Variants in KAZN observed in about 807,000 individuals in gnomAD.
KAZN encodes kazrin, periplakin interacting protein.
A neutral mutation model predicts 87.4 loss-of-function variants in KAZN; 40 were observed. That is an observed-to-expected ratio of 0.46 (90% CI 0.36 to 0.60). The LOEUF is 0.60. Among genes scored for constraint, KAZN ranks in the 20% least tolerant of loss-of-function variants. The probability of loss-of-function intolerance (pLI) is 0.00; values close to 1 mark genes in which losing one functional copy is unlikely to be tolerated. For missense variants in KAZN, 898 were observed against 1,073.9 expected, an observed-to-expected ratio of 0.84 and a Z score of 2.29; for synonymous variants, 466 against 458.3, an observed-to-expected ratio of 1.02 and a Z score of -0.22.
chr1:15,074,079 G>A (rs1409985838), intron 8 of KAZN, among the ~76,000 whole-genome samples: 1 of 152,222 alleles, frequency 6.6e-6, no homozygotes, highest in African/African-American at 2.4e-5. Flanking sequence ...CTCGCTGTGT[G>A]ACCACAGCCA....
chr1:14,724,205 A>AT (rs1385227744), intron 1 of KAZN, among the ~76,000 whole-genome samples: 4 of 152,102 alleles, frequency 2.6e-5, no homozygotes, highest in Non-Finnish European at 5.9e-5. Flanking sequence ...CCCCCAACCA[A>AT]TTTTTTGAAT....
rs1166148932 is a variant in KAZN at position 15,112,446 on chromosome 1, G to A, written c.2068G>A (p.Ala690Thr). Residue 690 changes from alanine (A) to threonine (T), a missense_variant, in exon 14 of 15, where the codon GCT (alanine) becomes ACT (threonine). Coordinates refer to ENST00000376030, the MANE Select transcript of KAZN (RefSeq NM_201628.3). ...CTTCAGCTCCACAGGCATCCGGGAG[G>A]CTGAGCGTTTTGGAACGCCCCCTGG... ...HPANSTGIRE[A>T]ERFGTPPGRA... 2 of 1,602,396 alleles carry A rather than the reference G, an allele frequency of 1.2e-6. No individual in the cohort carries two copies. Among genetic ancestry groups the A allele is most frequent in the African/African-American group, 2.7e-5 (2 of 74,722 alleles).
intron 1 of KAZN, among the ~76,000 whole-genome samples, chr1:14,161,534 A>T (rs982389854): frequency 6.6e-6 from 1 of 152,214 alleles, no homozygotes; most frequent in African/African-American, 2.4e-5. Context: ...CTTCAGAGTG[A>T]GTGATTGGAG....
intron 1 of KAZN, among the ~76,000 whole-genome samples, chr1:13,993,771 G>C (rs1051093016): frequency 2.6e-5 from 4 of 152,196 alleles, no homozygotes; most frequent in African/African-American, 7.2e-5. Flanking sequence ...GTGATGGAGA[G>C]TGACTGTGAG....
chr1:14,284,608 A>G (rs1464171670), intron 2 of KAZN, among the ~76,000 whole-genome samples: 2 of 152,196 alleles, frequency 1.3e-5, no homozygotes, highest in Non-Finnish European at 2.9e-5. Context: ...AACTGTTTGC[A>G]GGAAATGACT....
chr1:14,589,120 G>A (rs1041028348), intron 2 of KAZN, among the ~76,000 whole-genome samples: 1 of 152,078 alleles, frequency 6.6e-6, no homozygotes, highest in Non-Finnish European at 1.5e-5. Context: ...GAAAGACATC[G>A]GCAGCTGGCT....
intron 2 of KAZN, among the ~76,000 whole-genome samples, chr1:14,313,206 G>T (rs112959552): frequency 1.8e-4 from 28 of 151,958 alleles, no homozygotes; most frequent in Non-Finnish European, 3.5e-4. Flanking sequence ...TATACTTCAT[G>T]GTCCCCACAC....
chr1:14,244,598 G>A (rs1649317805), intron 2 of KAZN, among the ~76,000 whole-genome samples: 1 of 152,062 alleles, frequency 6.6e-6, no homozygotes, highest in South Asian at 2.1e-4. Context: ...TAAGTGCTTG[G>A]GGGAAATGAA....
At chr1:14,432,046 G>T (rs891926602) in intron 2 of KAZN, among the ~76,000 whole-genome samples, 1 of 152,036 alleles carries the variant, frequency 6.6e-6, no homozygotes, top group Non-Finnish European at 1.5e-5. Flanking sequence ...GAAGAGTAAG[G>T]ATCTCCCAGA....
intron 1 of KAZN, among the ~76,000 whole-genome samples, chr1:14,039,554 T>C (rs1641710952): frequency 6.6e-6 from 1 of 152,204 alleles, no homozygotes; most frequent in Non-Finnish European, 1.5e-5. Flanking sequence ...AAGGTCACGG[T>C]AGAGCTTGGC....
intron 2 of KAZN, among the ~76,000 whole-genome samples, chr1:14,579,078 A>C (rs2148558886): frequency 6.6e-6 from 1 of 152,270 alleles, no homozygotes; most frequent in African/African-American, 2.4e-5. Flanking sequence ...TCAGCACAGA[A>C]GAGAAACGTA....
At chr1:14,219,612 A>G (rs1026259760) in intron 2 of KAZN, among the ~76,000 whole-genome samples, 9 of 152,148 alleles carry the variant, frequency 5.9e-5, no homozygotes, top group African/African-American at 1.9e-4. Flanking sequence ...TTGGGTAGGC[A>G]TTGGAGGAGC....
Position 14,030,081 on chromosome 1 carries a change from A to G in KAZN, c.91+136325A>G, listed in dbSNP as rs1641252673. Among the ~76,000 whole-genome samples the G allele has an allele frequency of 2.0e-5, 3 of 151,714 alleles. No homozygotes were observed. In the South Asian group the frequency reaches 6.3e-4, roughly 32 times the overall value. ...TACCTTGGGCAGTATGGCCATTTTC[A>G]CGATATTGATTCTTCCTACCCATGA... On this transcript the variant is annotated intron_variant, in intron 1 of 16. Coordinates refer to the KAZN transcript ENST00000636203.
chr1:14,862,387 A>G (rs1235878145), intron 1 of KAZN, among the ~76,000 whole-genome samples: 1 of 152,106 alleles, frequency 6.6e-6, no homozygotes, highest in African/African-American at 2.4e-5. Flanking sequence ...GGGGTGCTAC[A>G]AGGCCAATAC....
At chr1:14,989,739 G>A (rs1667172060) in intron 2 of KAZN, among the ~76,000 whole-genome samples, 1 of 152,188 alleles carries the variant, frequency 6.6e-6, no homozygotes. Flanking sequence ...CGGGATGGTG[G>A]TGGGCTCCCA....
intron 1 of KAZN, among the ~76,000 whole-genome samples, chr1:14,920,824 C>A (rs1272565989): frequency 6.6e-6 from 1 of 152,090 alleles, no homozygotes; most frequent in Admixed American, 6.5e-5. Flanking sequence ...GTGGGACCTG[C>A]CCAAGCCACT....
intron 1 of KAZN, among the ~76,000 whole-genome samples, chr1:14,943,006 T>TC (rs1557644754): frequency 2.0e-5 from 2 of 101,640 alleles, no homozygotes; most frequent in African/African-American, 1.0e-4. Flanking sequence ...TGTGTGTGTG[T>TC]GGTGTGTGTG....
At chr1:14,222,299 G>A (rs1375743761) in intron 2 of KAZN, among the ~76,000 whole-genome samples, 3 of 152,152 alleles carry the variant, frequency 2.0e-5, no homozygotes, top group Non-Finnish European at 2.9e-5. Flanking sequence ...AACTGTGGGG[G>A]GAAATGGGCC....
At chr1:14,091,618 T>A (rs1017339213) in intron 1 of KAZN, among the ~76,000 whole-genome samples, 8 of 152,226 alleles carry the variant, frequency 5.3e-5, no homozygotes, top group African/African-American at 1.9e-4. Flanking sequence ...ATTTTGTGAA[T>A]GTCAACATTT....
Sources: allele counts gnomAD v4.1 joint callset (sites outside exome capture counted in the v4.1 genomes callset), GRCh38; gene constraint gnomAD v4.1.1; transcripts MANE v1.5; gene names NCBI Gene and HGNC (gene_info 2026-07-23, HGNC 2026-07-21).